RGS6: variants seen among roughly 807,000 people sequenced by gnomAD.
RGS6 encodes regulator of G protein signaling 6.
Under a neutral mutation model 78.5 loss-of-function variants are expected in RGS6, and 30 were observed. The ratio of observed to expected loss-of-function variants is 0.38; its 90% CI spans 0.29 to 0.52. The LOEUF is 0.52. Ranked by LOEUF, RGS6 falls within the 20% of genes least tolerant of loss-of-function variation. The probability of loss-of-function intolerance (pLI) is 0.85; values close to 1 mark genes in which losing one functional copy is unlikely to be tolerated. For synonymous variants in RGS6, 206 were observed against 206.0 expected, an observed-to-expected ratio of 1.00 and a Z score of 0.00; for missense variants, 495 against 609.7, an observed-to-expected ratio of 0.81 and a Z score of 1.98.
chr14:72,025,667 T>C (rs112230365), intron 2 of RGS6, among the ~76,000 whole-genome samples: 82 of 152,302 alleles, frequency 5.4e-4, no homozygotes, highest in African/African-American at 1.9e-3. Flanking sequence ...CTTCAGAAAC[T>C]TTCAAATTAG....
At chr14:72,076,261 TC>T (rs1234597521) in intron 2 of RGS6, among the ~76,000 whole-genome samples, 23 of 152,228 alleles carry the variant, frequency 1.5e-4, no homozygotes, top group African/African-American at 5.3e-4. Context: ...CCTTTTCTGT[TC>T]TTGGCTTTTT....
chr14:72,486,911 G>A (rs756584308), intron 12 of RGS6, among the ~76,000 whole-genome samples: 2 of 152,056 alleles, frequency 1.3e-5, no homozygotes, highest in Admixed American at 6.5e-5. Context: ...AGAGGAGATC[G>A]CCTTCCCTCT....
intron 2 of RGS6, among the ~76,000 whole-genome samples, chr14:72,312,964 C>T (rs1404419107): frequency 6.6e-6 from 1 of 152,192 alleles, no homozygotes; most frequent in African/African-American, 2.4e-5. Flanking sequence ...CAGACATTTG[C>T]AGAATTCAGC....
At chr14:72,483,520 G>A (rs1449132819) in intron 12 of RGS6, among the ~76,000 whole-genome samples, 1 of 152,140 alleles carries the variant, frequency 6.6e-6, no homozygotes, top group East Asian at 1.9e-4. Context: ...AGATAAGACA[G>A]CAAGGGACTG....
Position 72,458,300 on chromosome 14 carries a change from G to T in RGS6, c.265G>T (p.Ala89Ser), listed in dbSNP as rs367643813. Residue 89 changes from alanine to serine, a missense_variant, in exon 5 of 18, where the codon GCT (alanine) becomes TCT (serine). Ala to Ser is a moderately conservative substitution (Grantham distance 99, BLOSUM62 1). Transcript: ENST00000553525. ...AGCAATACACTTGGGGAGCCTTATC[G>T]CTGCCCAGGGCTACATCTTTCCAAT... ...VEAIHLGSLI[A>S]AQGYIFPISD... 1.4e-4 allele frequency: 219 copies of T among 1,613,866 alleles called. 1 individual carries two copies. The East Asian group carries it at 4.0e-3, about 29-fold the overall frequency.
intron 1 of RGS6, among the ~76,000 whole-genome samples, chr14:71,946,888 G>A (rs1301584210): frequency 1.3e-5 from 2 of 152,102 alleles, no homozygotes; most frequent in Non-Finnish European, 2.9e-5. Flanking sequence ...CAAGGATAGG[G>A]GAAACCTAGG....
chr14:72,002,606 A>C (rs868230534), intron 2 of RGS6, among the ~76,000 whole-genome samples: 8 of 19,190 alleles, frequency 4.2e-4, no homozygotes, highest in Non-Finnish European at 9.9e-4. Flanking sequence ...CCAACTTTTC[A>C]AAAAAAAAAT....
At position 72,011,273 on chromosome 14, in the gene RGS6, C is replaced by G. The variant is rs192135790; in HGVS notation, c.84+46398C>G. 2.2e-3 allele frequency among the ~76,000 whole-genome samples: 340 copies of G among 152,312 alleles called. 3 individuals are homozygous for G. Among genetic ancestry groups the G allele is most frequent in the African/African-American group, 7.7e-3 (322 of 41,554 alleles). ...GTTTTTTCTTGTGTCAGAGAATCAT[C>G]TACCTTTGTTTCAAAGGGTTCTAGT... On this transcript the variant is annotated intron_variant, in intron 2 of 17. Transcript: ENST00000553525.
intron 2 of RGS6, among the ~76,000 whole-genome samples, chr14:72,135,885 AGAGGAGGAGGGGAAG>A (rs1277724191): frequency 2.0e-5 from 3 of 151,848 alleles, no homozygotes; most frequent in Non-Finnish European, 2.9e-5. Flanking sequence ...GAGGAGGAGG[AGAGGAGGAGGGGAAG>A]GAGGAGGAGG....
At chr14:72,424,897 G>C (rs775897848) in intron 3 of RGS6, among the ~76,000 whole-genome samples, 11 of 152,170 alleles carry the variant, frequency 7.2e-5, no homozygotes, top group Non-Finnish European at 1.2e-4. Context: ...GCATATTTCA[G>C]TTTACAAACC....
At chr14:72,115,904 G>C (rs1344625464) in intron 2 of RGS6, among the ~76,000 whole-genome samples, 1 of 152,182 alleles carries the variant, frequency 6.6e-6, no homozygotes, top group Non-Finnish European at 1.5e-5. Context: ...TTGGTTCACT[G>C]TTTTATAAGG....
chr14:72,428,869 A>T (rs541464836), intron 3 of RGS6, among the ~76,000 whole-genome samples: 1 of 152,164 alleles, frequency 6.6e-6, no homozygotes, highest in African/African-American at 2.4e-5. Flanking sequence ...CTCAAGCACA[A>T]GTGTCTGGAC....
intron 2 of RGS6, among the ~76,000 whole-genome samples, chr14:72,242,463 ACT>A (rs2053118331): frequency 6.6e-6 from 1 of 152,098 alleles, no homozygotes; most frequent in Non-Finnish European, 1.5e-5. Flanking sequence ...CTTTATAAAG[ACT>A]CTGAGGGTCC....
intron 16 of RGS6, 89 bp downstream of exon 16, chr14:72,536,364 G>T (rs1007167843): frequency 2.1e-6 from 2 of 946,946 alleles, no homozygotes; most frequent in Non-Finnish European, 3.5e-6. Flanking sequence ...ATCATCCCTT[G>T]GGTTTTATTT....
chr14:72,388,278 A>G (rs1052150175), intron 3 of RGS6, among the ~76,000 whole-genome samples: 3 of 152,238 alleles, frequency 2.0e-5, no homozygotes, highest in African/African-American at 7.2e-5. Flanking sequence ...ACACATATAT[A>G]TACACATATG....
At chr14:72,131,005 G>T (rs1009087667) in intron 2 of RGS6, among the ~76,000 whole-genome samples, 1 of 151,940 alleles carries the variant, frequency 6.6e-6, no homozygotes, top group African/African-American at 2.4e-5. Flanking sequence ...GCTCTGCCTT[G>T]GGGAAAGCTC....
At chr14:72,572,434 C>T in the RGS6 span, among the ~76,000 whole-genome samples, 232 of 152,226 alleles carry the variant, frequency 1.5e-3, 1 homozygote, top group African/African-American at 5.2e-3. Context: ...CAAAATGTGA[C>T]GTATTCATAC....
the RGS6 span, among the ~76,000 whole-genome samples, chr14:71,910,024 C>G: frequency 6.6e-6 from 1 of 152,014 alleles, no homozygotes; most frequent in African/African-American, 2.4e-5. Flanking sequence ...ACTATCTCTA[C>G]TAAAATACAA....
intron 2 of RGS6, among the ~76,000 whole-genome samples, chr14:72,100,183 T>C (rs2238263): frequency 0.25 from 37,350 of 152,048 alleles, 5,389 homozygotes; most frequent in Non-Finnish European, 0.33. Flanking sequence ...TTTCCAGTTT[T>C]ACAGTTTGGA....
Sources: allele counts gnomAD v4.1 joint callset (sites outside exome capture counted in the v4.1 genomes callset), GRCh38; gene constraint gnomAD v4.1.1; transcripts MANE v1.5; gene names NCBI Gene and HGNC (gene_info 2026-07-23, HGNC 2026-07-21).